The following GALNT15 variants were observed in gnomAD, a reference collection of about 807,000 sequenced individuals.
GALNT15 encodes the protein polypeptide N-acetylgalactosaminyltransferase 15, also known as UDP-GalNAc transferase T15.
GALNT15 carries 67 observed loss-of-function variants against 66.8 expected under a neutral mutation model. The ratio of observed to expected loss-of-function variants is 1.00; its 90% CI spans 0.82 to 1.23. The LOEUF (loss-of-function observed/expected upper bound fraction) is 1.23. Ranked by LOEUF, GALNT15 falls within the 50% of genes most tolerant of loss-of-function variation. GALNT15 has a pLI of 0.00. For synonymous variants in GALNT15, 313 were observed against 311.5 expected (o/e 1.00, Z -0.05); for missense variants, 827 against 804.3 (o/e 1.03, Z -0.34).
At position 16,208,603 on chromosome 3, in the gene GALNT15, G is replaced by C; in HGVS notation, c.1012G>C (p.Asp338His). ...LQRGVLDWKL[D>H]FHWEPLPEHV... is the part of the protein sequence containing the mutation. ...GCGTGGGGTGTTGGACTGGAAGCTG[G>C]ATTTCCACTGGGAACCTTTGCCAGA... is the stretch of plus-strand genomic sequence containing the variant. Residue 338 changes from aspartate to histidine, a missense_variant, in exon 4 of 10, where the codon GAT (aspartate) becomes CAT (histidine). Physicochemically the swap from Asp to His is moderately conservative, Grantham distance 81. Coordinates refer to ENST00000339732, the MANE Select transcript of GALNT15 (RefSeq NM_054110.5). The C allele has an allele frequency of 6.2e-7, 1 of 1,614,120 alleles. No homozygotes were observed. Among genetic ancestry groups the C allele is most frequent in the Non-Finnish European group, 8.5e-7 (1 of 1,180,014 alleles).
downstream of GALNT15, chr3:16,231,748 A>G: frequency 7.1e-7 from 1 of 1,408,352 alleles, no homozygotes; most frequent in Non-Finnish European, 9.7e-7. This position sits in a 1 kb window ranked among gnomAD's most constrained non-coding sequence, Gnocchi z 4.1. Flanking sequence ...CTAAAATGAT[A>G]CAGTCCTTCC....
Position 16,207,501 on chromosome 3 carries a change from TAAAAAAAAAAAAAAAAAAA to T in GALNT15, c.912-978_912-960del, listed in dbSNP as rs36127239. Among the ~76,000 whole-genome samples, 5 of 39,846 alleles carry T rather than the reference TAAAAAAAAAAAAAAAAAAA, an allele frequency of 1.3e-4. No homozygotes were observed. The East Asian group carries it at 2.5e-3, about 20-fold the overall frequency. The allele number at this position is 39,846 out of a possible 152,430, so 26.1% of individuals were successfully genotyped here. A position where few individuals can be genotyped will look rare whatever the true frequency, so the allele number is the denominator to read the frequency against. On this transcript the variant is annotated intron_variant, in intron 3 of 9. Coordinates refer to ENST00000339732, the MANE Select transcript of GALNT15 (RefSeq NM_054110.5). ...ACTCTGCAGTCATATCTCCAGGCTG[TAAAAAAAAAAAAAAAAAAA>T]AAAAAAAAAAAAAAAAAAAAAAATT...
In GALNT15 at chr3:16,209,110, C is replaced by A. The variant is rs1230750978; in HGVS notation, c.1079+440C>A. On this transcript the variant is annotated intron_variant, in intron 4 of 9. Coordinates refer to ENST00000339732, the MANE Select transcript of GALNT15 (RefSeq NM_054110.5). The surrounding 1 kb of genome is among the most constrained non-coding windows in gnomAD (Gnocchi z 4.1). ...AATTCAACCAGGTGAATGCTAAGAACCATAGGTCTCAAATATATCCTATTG... is the reference window on the plus strand; with the variant it reads ...AATTCAACCAGGTGAATGCTAAGAAACATAGGTCTCAAATATATCCTATTG... Among the ~76,000 whole-genome samples, 1 of 152,172 alleles carries A rather than the reference C, an allele frequency of 6.6e-6. No homozygotes were observed. The highest frequency in any genetic ancestry group is 1.5e-5 in the Non-Finnish European group (1 of 68,034).
rs774935401 is a variant in GALNT15, at chr3:16,224,837, A to G, written c.1773+2079A>G. Reference sequence around the variant, plus strand: ...TTTTAGTAGAGACGGGGTTTCCTCCATGTTGGCCAGGCTGGTCTCGAACTC... The same window carrying G: ...TTTTAGTAGAGACGGGGTTTCCTCCGTGTTGGCCAGGCTGGTCTCGAACTC... On this transcript the variant is annotated intron_variant, in intron 9 of 9. Coordinates refer to ENST00000339732, the MANE Select transcript of GALNT15 (RefSeq NM_054110.5). The surrounding 1 kb of genome is among the most constrained non-coding windows in gnomAD (Gnocchi z 5.2). Among the ~76,000 whole-genome samples the G allele has an allele frequency of 1.6e-4, 24 of 151,952 alleles. No individual in the cohort carries two copies. The highest frequency in any genetic ancestry group is 3.4e-4 in the Non-Finnish European group (23 of 67,998).
At chr3:16,192,265 A>G (rs1260615214) in intron 1 of GALNT15, among the ~76,000 whole-genome samples, 1 of 152,166 alleles carries the variant, frequency 6.6e-6, no homozygotes, top group Non-Finnish European at 1.5e-5. Flanking sequence ...CTCATAGTCT[A>G]TGAATTGAGA....
chr3:16,244,344 A>G, the GALNT15 span, among the ~76,000 whole-genome samples: 260 of 152,294 alleles, frequency 1.7e-3, no homozygotes, highest in African/African-American at 6.0e-3. Context: ...CCTTAAACTA[A>G]ATGGAGCCTG....
chr3:16,222,859 G>A (rs766334321), intron 9 of GALNT15, 101 bp downstream of exon 9: 28 of 1,344,694 alleles, frequency 2.1e-5, no homozygotes, highest in Non-Finnish European at 2.6e-5. Flanking sequence ...AGGTATTAGG[G>A]ACCTCTGCCT....
chr3:16,215,187 T>C (rs1490612957), intron 6 of GALNT15, among the ~76,000 whole-genome samples: 2 of 152,214 alleles, frequency 1.3e-5, no homozygotes, highest in African/African-American at 4.8e-5. Flanking sequence ...TCTTCCCACA[T>C]TGGTTGGTGC....
chr3:16,226,934 A>T (rs1305785023), intron 9 of GALNT15, among the ~76,000 whole-genome samples: 1 of 152,224 alleles, frequency 6.6e-6, no homozygotes, highest in Non-Finnish European at 1.5e-5. Context: ...GGTCTTGCTC[A>T]CTACCACAGC....
In GALNT15 at chr3:16,224,356, C is replaced by T. The variant is rs2063982423; in HGVS notation, c.1773+1598C>T. ...AAAAGGAAGAAAATCCCATCACCTG[C>T]TACAACATGGGCATATCTTGAGGAC... On this transcript the variant is annotated intron_variant, in intron 9 of 9. Transcript: ENST00000339732. This position sits in a 1 kb window ranked among gnomAD's most constrained non-coding sequence, Gnocchi z 5.2. Among the ~76,000 whole-genome samples, 2 of 152,094 alleles carry T rather than the reference C, an allele frequency of 1.3e-5. No homozygotes were observed. The highest frequency in any genetic ancestry group is 4.8e-5 in the African/African-American group (2 of 41,404).
intron 8 of GALNT15, among the ~76,000 whole-genome samples, chr3:16,221,300 A>G (rs1456923419): frequency 4.7e-5 from 7 of 148,342 alleles, no homozygotes; most frequent in South Asian, 4.2e-4. Flanking sequence ...GGATCCTGCA[A>G]TATTGTAAAC....
rs1574965594 is a variant in GALNT15 at position 16,176,504 on chromosome 3, A to G, written c.539+814A>G. Among the ~76,000 whole-genome samples the G allele has an allele frequency of 6.6e-6, 1 of 152,320 alleles. No individual in the cohort carries two copies. Among genetic ancestry groups the G allele is most frequent in the East Asian group, 1.9e-4 (1 of 5,184 alleles). ...CAGAATACTGTGCTGACTGCAATTT[A>G]CCCTGCCAGGGCAGCCCCAGCCCCA... On this transcript the variant is annotated intron_variant, in intron 1 of 9. Transcript: ENST00000339732. The surrounding 1 kb of genome is among the most constrained non-coding windows in gnomAD (Gnocchi z 5.6).
rs769381963 is a variant in GALNT15, at chr3:16,225,524, G to C, written c.1774-1830G>C. Among the ~76,000 whole-genome samples the C allele has an allele frequency of 2.0e-5, 3 of 150,528 alleles. No homozygotes were observed. Among genetic ancestry groups the C allele is most frequent in the African/African-American group, 7.4e-5 (3 of 40,754 alleles). On this transcript the variant is annotated intron_variant, in intron 9 of 9. Transcript: ENST00000339732. This position sits in a 1 kb window ranked among gnomAD's most constrained non-coding sequence, Gnocchi z 4.4. ...AGCCTGGCCAATATGGTGAAACCCC[G>C]TTTCTACTAAAAACACAAAAACTAG...
the GALNT15 span, among the ~76,000 whole-genome samples, chr3:16,242,857 G>A: frequency 6.6e-6 from 1 of 152,108 alleles, no homozygotes; most frequent in Admixed American, 6.5e-5. This position sits in a 1 kb window ranked among gnomAD's most constrained non-coding sequence, Gnocchi z 5.6. Context: ...TCTTAGTTTA[G>A]GGTAATGTAA....
At chr3:16,179,126 G>C (rs2063443532) in intron 1 of GALNT15, among the ~76,000 whole-genome samples, 1 of 152,218 alleles carries the variant, frequency 6.6e-6, no homozygotes, top group African/African-American at 2.4e-5. Context: ...TCAAAAGACA[G>C]TCTCTGAAAA....
Position 16,227,270 on chromosome 3 carries a change from T to C in GALNT15, c.1774-84T>C. 1.4e-6 allele frequency: 2 copies of C among 1,400,374 alleles called. No individual in the cohort carries two copies. The highest frequency in any genetic ancestry group is 2.3e-5 in the East Asian group (1 of 43,864). 86.7% of individuals were successfully genotyped at this position (1,400,374 alleles called of 1,614,324 possible). On this transcript the variant is annotated intron_variant, in intron 9 of 9. Transcript: ENST00000339732. This position sits in a 1 kb window ranked among gnomAD's most constrained non-coding sequence, Gnocchi z 4.5. ...ACACCATCTGTTATTCTCTTAATGA[T>C]TAGCACAAATCTTAAAAATATTTTC... is the stretch of plus-strand genomic sequence containing the variant.
chr3:16,231,876 C>T, downstream of GALNT15: 2 of 1,536,230 alleles, frequency 1.3e-6, no homozygotes, highest in Non-Finnish European at 1.7e-6. This position sits in a 1 kb window ranked among gnomAD's most constrained non-coding sequence, Gnocchi z 4.1. Context: ...ATGGGTAGGA[C>T]ATCATTTGCT....
chr3:16,213,452 C>CAACAAA (rs2063840025), intron 6 of GALNT15, among the ~76,000 whole-genome samples: 1 of 63,862 alleles, frequency 1.6e-5, no homozygotes, highest in Non-Finnish European at 2.7e-5. Flanking sequence ...AACTCCATCT[C>CAACAAA]AAAAAAAAAA....
chr3:16,212,804 G>A (rs770420906), intron 6 of GALNT15, 41 bp downstream of exon 6: 3 of 1,556,428 alleles, frequency 1.9e-6, no homozygotes, highest in Non-Finnish European at 2.6e-6. Flanking sequence ...TCCAGCACAG[G>A]GCCACTAGCA....
Sources: allele counts gnomAD v4.1 joint callset (sites outside exome capture counted in the v4.1 genomes callset), GRCh38; gene constraint gnomAD v4.1.1; non-coding constraint Gnocchi (gnomAD v3.1); transcripts MANE v1.5; gene names NCBI Gene and HGNC (gene_info 2026-07-23, HGNC 2026-07-21).